Variants in COG6 observed in about 807,000 individuals in gnomAD.
The protein encoded by COG6 is conserved oligomeric Golgi complex subunit 6.
In COG6, 74 loss-of-function variants were observed where a neutral mutation model predicts 88.8. That is an observed-to-expected ratio of 0.83 (90% CI 0.69 to 1.01). The LOEUF (loss-of-function observed/expected upper bound fraction) is 1.01, where lower values mean the gene tolerates loss of function less well. Among genes scored for constraint, COG6 ranks in the 50% least tolerant of loss-of-function variants. The pLI is 0.00. For synonymous variants in COG6, 286 were observed against 278.7 expected, an observed-to-expected ratio of 1.03 and a Z score of -0.26; for missense variants, 800 against 797.9, an observed-to-expected ratio of 1.00 and a Z score of -0.03.
intron 18 of COG6, among the ~76,000 whole-genome samples, chr13:39,733,189 CTTTTT>C (rs914935008): frequency 3.0e-5 from 4 of 133,210 alleles, no homozygotes; most frequent in Non-Finnish European, 3.3e-5. Context: ...AGAAAGAATT[CTTTTT>C]TTTTTTTTTT....
intron 18 of COG6, among the ~76,000 whole-genome samples, chr13:39,768,519 G>A (rs1881231143): frequency 6.6e-6 from 1 of 152,178 alleles, no homozygotes; most frequent in East Asian, 1.9e-4. Flanking sequence ...GCTTGGAGGG[G>A]CCAGAAAAAC....
At chr13:39,656,098 G>T in intron 1 of COG6, 1 of 689,622 alleles carries the variant, frequency 1.5e-6, no homozygotes, top group Non-Finnish European at 2.7e-6. Flanking sequence ...TTTCCTGGGT[G>T]TTCTCTCCAC....
At chr13:39,782,046 C>T (rs2138189042) in intron 18 of COG6, among the ~76,000 whole-genome samples, 1 of 152,280 alleles carries the variant, frequency 6.6e-6, no homozygotes, top group Non-Finnish European at 1.5e-5. Flanking sequence ...GATTTTAAAT[C>T]TAAATCTGAA....
In COG6 at chr13:39,694,739, C is replaced by T; in HGVS notation, c.1166+14C>T. 7.5e-7 allele frequency: 1 copy of T among 1,326,524 alleles called. No individual in the cohort carries two copies. The highest frequency in any genetic ancestry group is 1.1e-6 in the Non-Finnish European group (1 of 924,790). 82.2% of individuals were successfully genotyped at this position (1,326,524 alleles called of 1,614,324 possible). On this transcript the variant is annotated intron_variant, in intron 12 of 18. Coordinates refer to ENST00000455146, the MANE Select transcript of COG6 (RefSeq NM_020751.3). ...CCATACAATCAGGTAAGTAGAATGGCAAAATGTGCTTGCTAAATCCAATGT... is the reference window on the plus strand; with the variant it reads ...CCATACAATCAGGTAAGTAGAATGGTAAAATGTGCTTGCTAAATCCAATGT...
chr13:39,672,543 T>A (rs1875713792), intron 4 of COG6, among the ~76,000 whole-genome samples: 1 of 152,062 alleles, frequency 6.6e-6, no homozygotes, highest in Non-Finnish European at 1.5e-5. Context: ...TTTTTCCACA[T>A]AGATAAACAC....
Position 39,723,357 on chromosome 13 carries a change from A to G in COG6, c.1609A>G (p.Ile537Val), listed in dbSNP as rs1593452264. The stretch of plus-strand genomic sequence containing the variant: ...GATCGAAGCACATTTGGACACACTT[A>G]TAAATGAGCAAGCCTCTTATGTTTT... ...FQIEAHLDTL[I>V]NEQASYVLTR... Residue 537 changes from isoleucine to valine, a missense_variant, in exon 16 of 19, where the codon ATA (isoleucine) becomes GTA (valine). Coordinates refer to ENST00000455146, the MANE Select transcript of COG6 (RefSeq NM_020751.3). The G allele has an allele frequency of 2.5e-6, 4 of 1,609,824 alleles. No homozygotes were observed. Among genetic ancestry groups the G allele is most frequent in the African/African-American group, 1.3e-5 (1 of 74,932 alleles).
intron 18 of COG6, among the ~76,000 whole-genome samples, chr13:39,745,637 G>T (rs1363590503): frequency 6.6e-6 from 1 of 152,212 alleles, no homozygotes; most frequent in African/African-American, 2.4e-5. Flanking sequence ...TTCACTGTTG[G>T]TGGGAGTGTA....
chr13:39,719,856 C>T, intron 15 of COG6, 29 bp downstream of exon 15: 1 of 1,555,788 alleles, frequency 6.4e-7, no homozygotes, highest in Non-Finnish European at 8.8e-7. Flanking sequence ...TGACTATTGA[C>T]TATGATTGAA....
At chr13:39,786,079 A>T (rs2138193343) in intron 18 of COG6, among the ~76,000 whole-genome samples, 1 of 152,336 alleles carries the variant, frequency 6.6e-6, no homozygotes, top group African/African-American at 2.4e-5. Flanking sequence ...ACAGCAGGAA[A>T]CATAGGAGCA....
chr13:39,750,919 G>A, intron 18 of COG6, 27 bp from the exon 19 acceptor site: 1 of 1,587,754 alleles, frequency 6.3e-7, no homozygotes, highest in East Asian at 2.2e-5. Context: ...CAAATGATGT[G>A]TTTACATTTT....
intron 18 of COG6, among the ~76,000 whole-genome samples, chr13:39,786,956 C>T (rs988159489): frequency 1.3e-5 from 2 of 152,132 alleles, no homozygotes; most frequent in Non-Finnish European, 1.5e-5. Context: ...ACAACTGAGA[C>T]ACTTAATACT....
chr13:39,768,556 T>C (rs1881232207), intron 18 of COG6, among the ~76,000 whole-genome samples: 1 of 152,188 alleles, frequency 6.6e-6, no homozygotes, highest in Admixed American at 6.5e-5. Flanking sequence ...AGCCATGCCC[T>C]TAATCTGATG....
chr13:39,712,142 G>GT (rs572954071), intron 13 of COG6, among the ~76,000 whole-genome samples: 69 of 152,280 alleles, frequency 4.5e-4, no homozygotes, highest in African/African-American at 1.6e-3. Context: ...ACAGGCGTGA[G>GT]TCACCATGCC....
intron 5 of COG6, chr13:39,678,098 G>T (rs368066265): frequency 4.5e-6 from 2 of 443,368 alleles, no homozygotes; most frequent in South Asian, 1.6e-5. Context: ...ACAGGGTCTC[G>T]CTCTGTCAAC....
rs148927834 is a variant in COG6 at position 39,727,319 on chromosome 13, T to A, written c.1747-150T>A. Reference sequence around the variant, plus strand: ...TTTAGGGAGTTTTAGTTAGAATGTTTAGAAAATACACAATTTGAACACAAC... The same window carrying A: ...TTTAGGGAGTTTTAGTTAGAATGTTAAGAAAATACACAATTTGAACACAAC... On this transcript the variant is annotated intron_variant, in intron 17 of 18. Transcript: ENST00000455146. The A allele has an allele frequency of 7.7e-4, 521 of 674,750 alleles. 2 individuals carry two copies. In the African/African-American group the frequency reaches 8.4e-3, roughly 11 times the overall value. 41.8% of individuals were successfully genotyped at this position (674,750 alleles called of 1,614,324 possible). A position where few individuals can be genotyped will look rare whatever the true frequency, so the allele number is the denominator to read the frequency against.
intron 18 of COG6, among the ~76,000 whole-genome samples, chr13:39,728,174 C>T (rs1879239061): frequency 6.6e-6 from 1 of 152,018 alleles, no homozygotes; most frequent in South Asian, 2.1e-4. Context: ...GTGTTTTCTA[C>T]ATAACAGGCA....
At chr13:39,713,423 A>G (rs1191650943) in intron 13 of COG6, among the ~76,000 whole-genome samples, 1 of 152,114 alleles carries the variant, frequency 6.6e-6, no homozygotes, top group East Asian at 1.9e-4. Context: ...GCAAGAATGC[A>G]TTGGAGGGAC....
intron 4 of COG6, among the ~76,000 whole-genome samples, chr13:39,667,887 A>G (rs1225643882): frequency 1.3e-5 from 2 of 152,192 alleles, no homozygotes; most frequent in East Asian, 1.9e-4. Context: ...AAAAAAGGCT[A>G]AATTTTATTA....
At chr13:39,732,945 A>G (rs1018523730) in intron 18 of COG6, among the ~76,000 whole-genome samples, 3 of 152,166 alleles carry the variant, frequency 2.0e-5, no homozygotes, top group African/African-American at 2.4e-5. Context: ...AAAAATTTTT[A>G]AAGACATTTG....
Sources: allele counts gnomAD v4.1 joint callset (sites outside exome capture counted in the v4.1 genomes callset), GRCh38; gene constraint gnomAD v4.1.1; transcripts MANE v1.5; gene names NCBI Gene and HGNC (gene_info 2026-07-23, HGNC 2026-07-21).